SLC35F1: variants seen among roughly 807,000 people sequenced by gnomAD.
The protein encoded by SLC35F1 is solute carrier family 35 member F1, also known as chromosome 6 open reading frame 169.
SLC35F1 carries 14 observed loss-of-function variants against 48.7 expected under a neutral mutation model. That is an observed-to-expected ratio of 0.29 (90% confidence interval 0.19 to 0.45). The LOEUF is 0.45. Among genes scored for constraint, SLC35F1 ranks in the 20% least tolerant of loss-of-function variants. The probability of loss-of-function intolerance (pLI) is 1.00; values close to 1 mark genes in which losing one functional copy is unlikely to be tolerated. For synonymous variants in SLC35F1, 190 were observed against 202.2 expected (o/e 0.94, Z 0.51); for missense variants, 404 against 500.0 (o/e 0.81, Z 1.83).
At chr6:117,920,259 G>A (rs1169342019) in intron 1 of SLC35F1, among the ~76,000 whole-genome samples, 2 of 152,202 alleles carry the variant, frequency 1.3e-5, no homozygotes, top group East Asian at 3.9e-4. Flanking sequence ...CTGGAAAAGG[G>A]AGAACCAGGA....
rs945944404 is a variant in SLC35F1, at chr6:118,257,814, T to C, written c.478-9181T>C. On this transcript the variant is annotated intron_variant, in intron 3 of 7. Coordinates refer to ENST00000360388, the MANE Select transcript of SLC35F1 (RefSeq NM_001029858.4). ...TAAGTTGAAGATAAAGAACAAGCAT[T>C]GCCGAGTTGTTAGGTTTGTAAGTAG... Among the ~76,000 whole-genome samples the C allele has an allele frequency of 1.1e-4, 17 of 152,300 alleles. 1 individual carries two copies. In the East Asian group the frequency reaches 3.3e-3, roughly 29 times the overall value.
At chr6:118,133,915 G>C (rs1198500086) in intron 1 of SLC35F1, among the ~76,000 whole-genome samples, 2 of 152,102 alleles carry the variant, frequency 1.3e-5, no homozygotes, top group Non-Finnish European at 2.9e-5. Flanking sequence ...TAGAAGCGTT[G>C]GCCTATCTCT....
chr6:117,923,599 GTATATATACATATACATATGTA>G lies in SLC35F1; in HGVS notation c.173+15707_173+15728del, dbSNP rs1457502600. Among the ~76,000 whole-genome samples the G allele has an allele frequency of 1.0e-4, 2 of 19,416 alleles. 1 individual carries two copies. Among genetic ancestry groups the G allele is most frequent in the Admixed American group, 1.1e-3 (2 of 1,816 alleles). The allele number at this position is 19,416 out of a possible 152,430, so 12.7% of individuals were successfully genotyped here. ...TATGTGTGTGTATATATACATATGT[GTATATATACATATACATATGTA>G]TATATACATATATGTACATATGTAC... On this transcript the variant is annotated intron_variant, in intron 1 of 7. Transcript: ENST00000360388.
At chr6:117,965,556 C>T (rs1301097685) in intron 1 of SLC35F1, among the ~76,000 whole-genome samples, 12 of 152,168 alleles carry the variant, frequency 7.9e-5, no homozygotes, top group Non-Finnish European at 1.8e-4. Flanking sequence ...GTCCTCCCTC[C>T]CCAAAAGGAT....
intron 7 of SLC35F1, among the ~76,000 whole-genome samples, chr6:118,295,249 T>G (rs1776170076): frequency 6.6e-6 from 1 of 152,162 alleles, no homozygotes; most frequent in African/African-American, 2.4e-5. Flanking sequence ...TGTATTAAAT[T>G]TAAAAGAATG....
intron 1 of SLC35F1, among the ~76,000 whole-genome samples, chr6:118,005,970 A>G (rs1357496215): frequency 2.0e-5 from 3 of 152,180 alleles, no homozygotes; most frequent in South Asian, 2.1e-4. Context: ...TGTTAATTAT[A>G]TAAGTTTATA....
intron 1 of SLC35F1, among the ~76,000 whole-genome samples, chr6:118,143,163 GT>G (rs1773917722): frequency 6.6e-6 from 1 of 152,012 alleles, no homozygotes; most frequent in African/African-American, 2.4e-5. Context: ...TTTGACATGG[GT>G]TTTTATTTTA....
chr6:117,952,089 G>A (rs1313320652), intron 1 of SLC35F1, among the ~76,000 whole-genome samples: 1 of 152,040 alleles, frequency 6.6e-6, no homozygotes, highest in Non-Finnish European at 1.5e-5. Context: ...ATTTTGTTTT[G>A]TTTTGTTTTT....
chr6:118,132,918 G>A (rs1773736146), intron 1 of SLC35F1, among the ~76,000 whole-genome samples: 1 of 152,094 alleles, frequency 6.6e-6, no homozygotes, highest in Non-Finnish European at 1.5e-5. Context: ...CTTTTTTAGT[G>A]GTCAAGACCA....
At chr6:117,995,547 C>T (rs1427411731) in intron 1 of SLC35F1, among the ~76,000 whole-genome samples, 1 of 152,098 alleles carries the variant, frequency 6.6e-6, no homozygotes, top group East Asian at 1.9e-4. Context: ...TTGAGACCTG[C>T]CTGGCCAACA....
Position 118,316,326 on chromosome 6 carries a change from C to T in SLC35F1, c.*2074C>T, listed in dbSNP as rs1238529159. 6.6e-6 allele frequency: 1 copy of T among 152,638 alleles called. No homozygotes were observed. Among genetic ancestry groups the T allele is most frequent in the Admixed American group, 6.5e-5 (1 of 15,286 alleles). The allele number at this position is 152,638 out of a possible 1,614,324, so 9.5% of individuals were successfully genotyped here. A position where few individuals can be genotyped will look rare whatever the true frequency, so the allele number is the denominator to read the frequency against. ...TTATTTTCCATGGGGAAAATATCAG[C>T]GTTAAAGCTCTATCAAATCAAAACA... On this transcript the variant is annotated 3_prime_UTR_variant, in exon 8 of 8. Transcript: ENST00000360388.
chr6:118,098,100 G>T (rs1004394752), intron 1 of SLC35F1, among the ~76,000 whole-genome samples: 1 of 152,036 alleles, frequency 6.6e-6, no homozygotes, highest in Non-Finnish European at 1.5e-5. Flanking sequence ...CACAGTTCTA[G>T]GTGAAGATAC....
intron 1 of SLC35F1, among the ~76,000 whole-genome samples, chr6:118,148,649 C>T (rs1268188840): frequency 6.6e-6 from 1 of 152,142 alleles, no homozygotes. Context: ...AAATGTGTAT[C>T]ATAGTCTCCT....
At chr6:118,096,397 G>T (rs548624112) in intron 1 of SLC35F1, among the ~76,000 whole-genome samples, 1 of 152,124 alleles carries the variant, frequency 6.6e-6, no homozygotes, top group Non-Finnish European at 1.5e-5. Context: ...AAAAATTTTC[G>T]TAGACATACT....
At chr6:118,062,080 T>G (rs1178965653) in intron 1 of SLC35F1, among the ~76,000 whole-genome samples, 2 of 152,074 alleles carry the variant, frequency 1.3e-5, no homozygotes, top group African/African-American at 2.4e-5. Context: ...AAAATGATTA[T>G]AAGTAAAGAA....
intron 1 of SLC35F1, among the ~76,000 whole-genome samples, chr6:117,937,037 GT>G (rs1776170910): frequency 6.6e-6 from 1 of 152,116 alleles, no homozygotes; most frequent in African/African-American, 2.4e-5. Context: ...ACACTTTATG[GT>G]TCATTATCTC....
intron 3 of SLC35F1, among the ~76,000 whole-genome samples, chr6:118,261,340 T>G (rs1302707082): frequency 6.6e-6 from 1 of 152,200 alleles, no homozygotes; most frequent in Non-Finnish European, 1.5e-5. Flanking sequence ...CATAAAAATA[T>G]GCTTACTGCA....
At chr6:118,137,749 A>G (rs1027471909) in intron 1 of SLC35F1, among the ~76,000 whole-genome samples, 2 of 152,114 alleles carry the variant, frequency 1.3e-5, no homozygotes, top group African/African-American at 2.4e-5. Flanking sequence ...CATTCTGCCT[A>G]CAGGTCTGCA....
chr6:118,008,402 G>A (rs899019880), intron 1 of SLC35F1, among the ~76,000 whole-genome samples: 6 of 152,254 alleles, frequency 3.9e-5, no homozygotes, highest in Non-Finnish European at 8.8e-5. Flanking sequence ...TGAGAAATCT[G>A]CCTACCATGC....
Sources: gnomAD v4.1 joint callset for allele counts (sites outside exome capture counted in the v4.1 genomes callset) on GRCh38, gnomAD v4.1.1 for gene constraint, MANE v1.5 for transcripts, NCBI Gene and HGNC (gene_info 2026-07-23, HGNC 2026-07-21) for gene names.